The following WWOX variants were observed in gnomAD, a reference collection of about 807,000 sequenced individuals.
WWOX encodes the protein WW domain-containing oxidoreductase.
In WWOX, 69 loss-of-function variants were observed where a neutral mutation model predicts 46.2. The ratio of observed to expected loss-of-function variants is 1.49; its 90% CI spans 1.23 to 1.82. The LOEUF (loss-of-function observed/expected upper bound fraction) is 1.82, where lower values mean the gene tolerates loss of function less well. Among genes scored for constraint, WWOX ranks in the 40% most tolerant of loss-of-function variants. The pLI, the probability that WWOX is intolerant of heterozygous loss-of-function variation, is 0.00. For synonymous variants in WWOX, 359 were observed against 202.6 expected (o/e 1.77, Z -6.56); for missense variants, 919 against 542.6 (o/e 1.69, Z -6.89).
At chr16:78,689,203 C>A (rs1290416865) in intron 8 of WWOX, among the ~76,000 whole-genome samples, 1 of 152,180 alleles carries the variant, frequency 6.6e-6, no homozygotes, top group Non-Finnish European at 1.5e-5. Context: ...CCCAAAATGG[C>A]AGTAGTGACC....
At chr16:78,330,980 T>C (rs2080742947) in intron 5 of WWOX, among the ~76,000 whole-genome samples, 1 of 152,208 alleles carries the variant, frequency 6.6e-6, no homozygotes, top group Non-Finnish European at 1.5e-5. Context: ...AGCAGTCTAT[T>C]TATTCAGACA....
intron 8 of WWOX, among the ~76,000 whole-genome samples, chr16:78,921,991 G>A (rs1451759105): frequency 6.6e-6 from 1 of 152,196 alleles, no homozygotes; most frequent in Non-Finnish European, 1.5e-5. Flanking sequence ...CAGATGTGAA[G>A]CTTCTATTGT....
intron 8 of WWOX, among the ~76,000 whole-genome samples, chr16:78,928,866 G>A (rs1313214790): frequency 6.6e-6 from 1 of 152,116 alleles, no homozygotes; most frequent in African/African-American, 2.4e-5. Context: ...AATGTGTTTT[G>A]ACTGTAGGCT....
intron 5 of WWOX, among the ~76,000 whole-genome samples, chr16:78,354,147 C>T (rs995822934): frequency 6.6e-6 from 1 of 152,116 alleles, no homozygotes; most frequent in South Asian, 2.1e-4. Flanking sequence ...AAAGACAATG[C>T]AGCTTTGTGT....
chr16:78,713,318 A>G (rs1299911563), intron 8 of WWOX, among the ~76,000 whole-genome samples: 1 of 148,302 alleles, frequency 6.7e-6, no homozygotes, highest in Non-Finnish European at 1.5e-5. Flanking sequence ...AGCACACCCC[A>G]AAACTTCTAG....
At chr16:78,580,582 C>T (rs926256314) in intron 8 of WWOX, among the ~76,000 whole-genome samples, 10 of 152,188 alleles carry the variant, frequency 6.6e-5, no homozygotes, top group East Asian at 1.9e-4. Flanking sequence ...ATTTCTTTAT[C>T]GTAAGCACAC....
chr16:78,136,026 G>T (rs1463012427), intron 4 of WWOX, among the ~76,000 whole-genome samples: 1 of 152,074 alleles, frequency 6.6e-6, no homozygotes, highest in Non-Finnish European at 1.5e-5. Context: ...GCTGGAAATG[G>T]CATCCGATTT....
intron 8 of WWOX, among the ~76,000 whole-genome samples, chr16:79,015,100 G>A (rs868713286): frequency 6.6e-6 from 1 of 152,290 alleles, no homozygotes; most frequent in Middle Eastern, 3.4e-3. Flanking sequence ...TGTGTCGGGG[G>A]CCACAGGACA....
intron 8 of WWOX, among the ~76,000 whole-genome samples, chr16:78,566,806 C>G (rs1003205957): frequency 6.6e-6 from 1 of 152,232 alleles, no homozygotes; most frequent in Middle Eastern, 3.4e-3. Context: ...CAAGAACATG[C>G]TTTTTGCACA....
chr16:78,370,976 A>ATGTCT (rs776317489), intron 5 of WWOX, among the ~76,000 whole-genome samples: 8,125 of 128,248 alleles, frequency 0.063, 420 homozygotes, highest in African/African-American at 0.12. Context: ...CTGTGTTGTG[A>ATGTCT]TTTCTTTTTT....
chr16:78,555,946 C>G (rs943948260), intron 8 of WWOX, among the ~76,000 whole-genome samples: 3 of 151,948 alleles, frequency 2.0e-5, no homozygotes. Flanking sequence ...AATAATAAAT[C>G]GCTGCTTATG....
At chr16:78,813,954 C>G (rs992226227) in intron 8 of WWOX, among the ~76,000 whole-genome samples, 1 of 152,110 alleles carries the variant, frequency 6.6e-6, no homozygotes, top group African/African-American at 2.4e-5. Context: ...AGCTTGTCTC[C>G]CCACCCCCAA....
chr16:78,437,499 T>A (rs1231069653), intron 8 of WWOX, among the ~76,000 whole-genome samples: 1 of 152,206 alleles, frequency 6.6e-6, no homozygotes, highest in Non-Finnish European at 1.5e-5. Flanking sequence ...AATATAATAA[T>A]CACTAATGAG....
chr16:78,556,603 A>G (rs535744308), intron 8 of WWOX, among the ~76,000 whole-genome samples: 14 of 152,252 alleles, frequency 9.2e-5, no homozygotes, highest in African/African-American at 3.4e-4. Context: ...CGTGCCCACC[A>G]CGACTGCTGT....
chr16:78,910,103 C>T (rs1358328778), intron 8 of WWOX, among the ~76,000 whole-genome samples: 2 of 144,904 alleles, frequency 1.4e-5, no homozygotes, highest in Non-Finnish European at 1.5e-5. Flanking sequence ...ATGTGGTGAT[C>T]GTTTGTGCTT....
intron 8 of WWOX, among the ~76,000 whole-genome samples, chr16:78,675,084 G>T (rs1455223735): frequency 6.6e-6 from 1 of 152,134 alleles, no homozygotes; most frequent in African/African-American, 2.4e-5. Context: ...TTTGCTCTAG[G>T]CAAGGCGCTG....
intron 5 of WWOX, among the ~76,000 whole-genome samples, chr16:78,184,061 A>G (rs941811399): frequency 6.6e-6 from 1 of 152,152 alleles, no homozygotes; most frequent in African/African-American, 2.4e-5. Context: ...CTGTGTGTGA[A>G]GCTGGATTCC....
chr16:78,395,975 C>G (rs1036584839), intron 6 of WWOX, among the ~76,000 whole-genome samples: 2 of 152,122 alleles, frequency 1.3e-5, no homozygotes, highest in African/African-American at 4.8e-5. Context: ...TGAGGTACAG[C>G]AGGACACACT....
chr16:78,408,701 T>G (rs1188149206), intron 6 of WWOX, among the ~76,000 whole-genome samples: 1 of 152,094 alleles, frequency 6.6e-6, no homozygotes, highest in African/African-American at 2.4e-5. Flanking sequence ...ATGCAAGAAG[T>G]TTTGAAGAGG....
Sources: allele counts gnomAD v4.1 joint callset (sites outside exome capture counted in the v4.1 genomes callset), GRCh38; gene constraint gnomAD v4.1.1; transcripts MANE v1.5; gene names NCBI Gene and HGNC (gene_info 2026-07-23, HGNC 2026-07-21).